Variants in SEMA6D observed in about 807,000 individuals in gnomAD.
The protein encoded by SEMA6D is semaphorin 6D, also known as semaphorin-6D.
A neutral mutation model predicts 106.6 loss-of-function variants in SEMA6D; 35 were observed. The ratio of observed to expected loss-of-function variants is 0.33; its 90% CI spans 0.25 to 0.44. The LOEUF is 0.44. Ranked by LOEUF, SEMA6D falls within the 20% of genes least tolerant of loss-of-function variation. SEMA6D has a pLI of 1.00. For missense variants in SEMA6D, 1,185 were observed against 1,345.9 expected, an observed-to-expected ratio of 0.88 and a Z score of 1.87; for synonymous variants, 499 against 487.7, an observed-to-expected ratio of 1.02 and a Z score of -0.31.
chr15:47,606,555 T>A (rs2076786513), intron 4 of SEMA6D, among the ~76,000 whole-genome samples: 1 of 152,180 alleles, frequency 6.6e-6, no homozygotes. Flanking sequence ...AAAGACCAAT[T>A]ATGATACATT....
At chr15:47,626,696 C>A (rs1596476093) in intron 4 of SEMA6D, among the ~76,000 whole-genome samples, 1 of 152,064 alleles carries the variant, frequency 6.6e-6, no homozygotes, top group Admixed American at 6.6e-5. Context: ...ACCTTTGTTT[C>A]TGAGCTTTTC....
At chr15:47,447,508 G>A (rs1567085971) in intron 2 of SEMA6D, among the ~76,000 whole-genome samples, 1 of 152,094 alleles carries the variant, frequency 6.6e-6, no homozygotes. Flanking sequence ...AGATGAACAA[G>A]AACACATCCA....
At chr15:47,414,413 G>A (rs1179820272) in intron 2 of SEMA6D, among the ~76,000 whole-genome samples, 1 of 151,892 alleles carries the variant, frequency 6.6e-6, no homozygotes, top group East Asian at 1.9e-4. Flanking sequence ...AACTGAACAG[G>A]GCTTTTAAAA....
At chr15:47,566,390 A>G (rs951425755) in intron 3 of SEMA6D, among the ~76,000 whole-genome samples, 2 of 152,210 alleles carry the variant, frequency 1.3e-5, no homozygotes, top group Admixed American at 6.5e-5. Flanking sequence ...GACAATGACA[A>G]AGTAAGGCTG....
intron 3 of SEMA6D, among the ~76,000 whole-genome samples, chr15:47,512,260 A>G (rs544392703): frequency 1.2e-4 from 18 of 152,330 alleles, no homozygotes; most frequent in African/African-American, 4.3e-4. Context: ...CACATTGCAT[A>G]TGGCACCCTC....
chr15:47,391,488 C>T (rs903262433), intron 1 of SEMA6D, among the ~76,000 whole-genome samples: 6 of 152,070 alleles, frequency 3.9e-5, no homozygotes, highest in African/African-American at 1.4e-4. Flanking sequence ...GTCAAGCAGA[C>T]TGAGGAGAGG....
chr15:47,735,181 C>T (rs1170941599), intron 1 of SEMA6D, among the ~76,000 whole-genome samples: 3 of 152,162 alleles, frequency 2.0e-5, no homozygotes, highest in Non-Finnish European at 4.4e-5. Flanking sequence ...TGTTGCCAGC[C>T]CTCTGGCATG....
intron 4 of SEMA6D, among the ~76,000 whole-genome samples, chr15:47,607,327 C>T (rs1177519084): frequency 1.3e-5 from 2 of 152,090 alleles, no homozygotes; most frequent in Non-Finnish European, 2.9e-5. Context: ...TAACAAGCAG[C>T]CTTAGAAATT....
intron 3 of SEMA6D, among the ~76,000 whole-genome samples, chr15:47,568,601 C>T (rs1270315349): frequency 6.6e-6 from 1 of 152,054 alleles, no homozygotes; most frequent in Non-Finnish European, 1.5e-5. Context: ...AATTACATCT[C>T]AGGTAATATG....
intron 3 of SEMA6D, among the ~76,000 whole-genome samples, chr15:47,570,618 C>G (rs2046355756): frequency 6.6e-6 from 1 of 152,212 alleles, no homozygotes; most frequent in Non-Finnish European, 1.5e-5. Flanking sequence ...TCAGCCTGGG[C>G]TGGTCAGCCC....
At chr15:47,273,222 T>A (rs2034638341) in intron 1 of SEMA6D, among the ~76,000 whole-genome samples, 1 of 149,138 alleles carries the variant, frequency 6.7e-6, no homozygotes, top group Admixed American at 6.8e-5. Context: ...ATATCCCTTC[T>A]GAAGTGGGAG....
chr15:47,339,397 G>C (rs1595765220), intron 1 of SEMA6D, among the ~76,000 whole-genome samples: 1 of 152,110 alleles, frequency 6.6e-6, no homozygotes, highest in African/African-American at 2.4e-5. Context: ...TCTCCAGGTA[G>C]TGTTGGAATT....
At chr15:47,745,233 TTTTATGGTGC>T (rs1250694576) in intron 1 of SEMA6D, among the ~76,000 whole-genome samples, 2 of 152,226 alleles carry the variant, frequency 1.3e-5, no homozygotes, top group Non-Finnish European at 2.9e-5. Flanking sequence ...TAATAGTGAT[TTTTATGGTGC>T]TTACCATGTG....
At chr15:47,439,851 C>T (rs965401891) in intron 2 of SEMA6D, among the ~76,000 whole-genome samples, 4 of 152,024 alleles carry the variant, frequency 2.6e-5, no homozygotes, top group African/African-American at 9.7e-5. Context: ...TCCAGAAGAT[C>T]ACAACTGCCA....
intron 1 of SEMA6D, among the ~76,000 whole-genome samples, chr15:47,382,108 A>G (rs1004617973): frequency 2.7e-5 from 4 of 147,936 alleles, no homozygotes; most frequent in Admixed American, 1.3e-4. Context: ...TGCTTTTTGT[A>G]AAGTGTCGCC....
At chr15:47,471,738 C>G (rs1265241623) in intron 3 of SEMA6D, among the ~76,000 whole-genome samples, 1 of 152,076 alleles carries the variant, frequency 6.6e-6, no homozygotes, top group Non-Finnish European at 1.5e-5. Context: ...ACAAGGTAGT[C>G]TGCTTTTGAT....
chr15:47,330,297 C>G (rs1011934570), intron 1 of SEMA6D, among the ~76,000 whole-genome samples: 7 of 152,084 alleles, frequency 4.6e-5, no homozygotes, highest in Non-Finnish European at 7.4e-5. Context: ...CATAGGTAAC[C>G]AAGCCCTCTG....
At chr15:47,219,263 A>C (rs1222166212) in intron 1 of SEMA6D, among the ~76,000 whole-genome samples, 1 of 152,152 alleles carries the variant, frequency 6.6e-6, no homozygotes, top group Non-Finnish European at 1.5e-5. Context: ...CAACATGCTC[A>C]CCACTCTTCT....
intron 3 of SEMA6D, among the ~76,000 whole-genome samples, chr15:47,552,831 T>TA (rs2045765419): frequency 1.4e-5 from 1 of 72,504 alleles, no homozygotes; most frequent in Non-Finnish European, 2.2e-5. Context: ...TATATATTTT[T>TA]ATATATATAT....
Sources: allele counts gnomAD v4.1 joint callset (sites outside exome capture counted in the v4.1 genomes callset), GRCh38; gene constraint gnomAD v4.1.1; transcripts MANE v1.5; gene names NCBI Gene and HGNC (gene_info 2026-07-23, HGNC 2026-07-21).